The following ADARB2 variants were observed in gnomAD, a reference collection of about 807,000 sequenced individuals.
ADARB2 encodes the protein adenosine deaminase RNA specific B2 (inactive), also known as inactive double-stranded RNA-specific editase B2.
A neutral mutation model predicts 62.2 loss-of-function variants in ADARB2; 25 were observed. The ratio of observed to expected loss-of-function variants is 0.40; its 90% CI spans 0.29 to 0.56. ADARB2 has a LOEUF of 0.56. ADARB2 is among the 20% of genes least tolerant of loss of function. ADARB2 has a pLI of 0.43. For missense variants in ADARB2, 1,071 were observed against 1,077.4 expected (o/e 0.99, Z 0.08); for synonymous variants, 572 against 500.8 (o/e 1.14, Z -1.90).
At chr10:1,204,315 T>C (rs1239167900) in intron 7 of ADARB2, among the ~76,000 whole-genome samples, 1 of 152,218 alleles carries the variant, frequency 6.6e-6, no homozygotes, top group Non-Finnish European at 1.5e-5. Context: ...ACCCAGCATC[T>C]GCATTCTCAA....
intron 1 of ADARB2, among the ~76,000 whole-genome samples, chr10:1,725,568 C>A (rs1017782437): frequency 6.6e-6 from 1 of 152,092 alleles, no homozygotes; most frequent in Non-Finnish European, 1.5e-5. Flanking sequence ...GGGAAAGCCC[C>A]CCACCACCCA....
chr10:1,732,829 C>T (rs1835250942), intron 1 of ADARB2, among the ~76,000 whole-genome samples: 1 of 152,234 alleles, frequency 6.6e-6, no homozygotes. Flanking sequence ...TTTCATTTCA[C>T]AGCAAGCCGG....
chr10:1,503,062 A>C (rs1031791808), intron 1 of ADARB2, among the ~76,000 whole-genome samples: 2 of 152,240 alleles, frequency 1.3e-5, no homozygotes, highest in Non-Finnish European at 2.9e-5. Flanking sequence ...TATCATATGC[A>C]CATCCAAGGA....
chr10:1,368,693 C>A (rs1832335349), intron 2 of ADARB2, among the ~76,000 whole-genome samples: 1 of 152,244 alleles, frequency 6.6e-6, no homozygotes, highest in Non-Finnish European at 1.5e-5. Flanking sequence ...TTCGTTCTCA[C>A]AAAACCTTCC....
intron 1 of ADARB2, among the ~76,000 whole-genome samples, chr10:1,643,290 C>A (rs147321700): frequency 5.3e-5 from 8 of 152,318 alleles, no homozygotes; most frequent in African/African-American, 1.7e-4. Flanking sequence ...CCTTTTGCAG[C>A]GTTTTCAGTA....
chr10:1,465,365 G>C (rs1027578763), intron 1 of ADARB2, among the ~76,000 whole-genome samples: 1 of 152,200 alleles, frequency 6.6e-6, no homozygotes, highest in African/African-American at 2.4e-5. Flanking sequence ...GTGTGTTAAC[G>C]ATACCTCAGT....
intron 1 of ADARB2, among the ~76,000 whole-genome samples, chr10:1,591,832 G>A (rs1456119185): frequency 6.6e-6 from 1 of 152,284 alleles, no homozygotes; most frequent in East Asian, 1.9e-4. Context: ...CTATTATTCA[G>A]CAATCTCTGT....
rs1832286720 is a variant in ADARB2 at position 1,363,805 on chromosome 10, C to A, written c.300G>T (p.Arg100=). ...RGGAPGAKRK[R]PLEEGNGGHL... ...GGCCCCCATTCCCCTCCTCCAGCGG[C>A]CGCTTCCTCTTCGCGCCGGGCGCGC... The change falls in exon 3 of 10, where the codon CGG becomes CGT. Residue 100 remains arginine (R), a synonymous_variant. Coordinates refer to ENST00000381312, the MANE Select transcript of ADARB2 (RefSeq NM_018702.4). The A allele has an allele frequency of 4.4e-6, 7 of 1,596,366 alleles. No individual in the cohort carries two copies. Among genetic ancestry groups the A allele is most frequent in the Admixed American group, 1.7e-5 (1 of 59,816 alleles).
intron 1 of ADARB2, among the ~76,000 whole-genome samples, chr10:1,665,981 C>CA (rs927733977): frequency 5.3e-5 from 8 of 151,800 alleles, no homozygotes; most frequent in African/African-American, 9.7e-5. Flanking sequence ...TTCAGGGACC[C>CA]ACAGAGTGGC....
At chr10:1,491,692 C>T (rs932282148) in intron 1 of ADARB2, among the ~76,000 whole-genome samples, 11 of 152,210 alleles carry the variant, frequency 7.2e-5, no homozygotes, top group South Asian at 4.1e-4. Flanking sequence ...CCATAACCTA[C>T]CTTTCTTTAT....
Position 1,185,054 on chromosome 10 carries a change from G to T in ADARB2, c.1865-15C>A. 1 of 1,605,570 alleles carries T rather than the reference G, an allele frequency of 6.2e-7. No homozygotes were observed. The highest frequency in any genetic ancestry group is 8.5e-7 in the Non-Finnish European group (1 of 1,175,436). On this transcript the variant is annotated splice_polypyrimidine_tract_variant and intron_variant, in intron 8 of 9. Transcript: ENST00000381312. ...GTCACTCACGCCTGTCGGGGAGATG[G>T]GGAAAGGCGGGCGTTAATATTCCTG...
At chr10:1,217,198 G>T in intron 6 of ADARB2, 79 bp from the exon 7 acceptor site, 1 of 1,369,630 alleles carries the variant, frequency 7.3e-7, no homozygotes, top group Non-Finnish European at 9.8e-7. Context: ...AGGAAGGACT[G>T]CAACAGAGGT....
chr10:1,627,949 C>T (rs971926928), intron 1 of ADARB2, among the ~76,000 whole-genome samples: 2 of 152,224 alleles, frequency 1.3e-5, no homozygotes, highest in Non-Finnish European at 2.9e-5. Context: ...CCCTCCTCCA[C>T]TCACACTGCA....
At chr10:1,432,992 C>A (rs1185312042) in intron 1 of ADARB2, among the ~76,000 whole-genome samples, 2 of 152,024 alleles carry the variant, frequency 1.3e-5, no homozygotes, top group Non-Finnish European at 2.9e-5. Flanking sequence ...ATGAACCTGG[C>A]TGATATACAT....
intron 1 of ADARB2, among the ~76,000 whole-genome samples, chr10:1,408,047 G>A (rs1228140794): frequency 6.6e-6 from 1 of 152,154 alleles, no homozygotes; most frequent in African/African-American, 2.4e-5. Context: ...TAATTATTTT[G>A]CAGAATATTT....
intron 1 of ADARB2, among the ~76,000 whole-genome samples, chr10:1,436,724 C>T (rs539469038): frequency 1.1e-4 from 17 of 152,258 alleles, no homozygotes; most frequent in Admixed American, 3.3e-4. Flanking sequence ...TTGCTTTAAA[C>T]GAGTGATTTC....
At chr10:1,607,767 C>G (rs886881253) in intron 1 of ADARB2, among the ~76,000 whole-genome samples, 8 of 152,254 alleles carry the variant, frequency 5.3e-5, no homozygotes, top group Non-Finnish European at 1.0e-4. Flanking sequence ...CGCCCAGTGC[C>G]TCTGGACCTG....
At chr10:1,663,313 C>T (rs972088308) in intron 1 of ADARB2, among the ~76,000 whole-genome samples, 9 of 152,114 alleles carry the variant, frequency 5.9e-5, no homozygotes, top group African/African-American at 2.2e-4. Flanking sequence ...GCTCTATTTA[C>T]ATCTGGGTTA....
intron 3 of ADARB2, among the ~76,000 whole-genome samples, chr10:1,348,622 G>T (rs11250439): frequency 0.013 from 1,977 of 152,210 alleles, 49 homozygotes; most frequent in African/African-American, 0.045. Flanking sequence ...CCTCTGCTCT[G>T]TCTGCTGTCT....
Sources: gnomAD v4.1 joint callset for allele counts (sites outside exome capture counted in the v4.1 genomes callset) on GRCh38, gnomAD v4.1.1 for gene constraint, MANE v1.5 for transcripts, NCBI Gene and HGNC (gene_info 2026-07-23, HGNC 2026-07-21) for gene names.